Variants in MSRA observed in about 807,000 individuals in gnomAD.
MSRA encodes the protein mitochondrial peptide methionine sulfoxide reductase.
Under a neutral mutation model 31.3 loss-of-function variants are expected in MSRA, and 54 were observed. That is an observed-to-expected ratio of 1.73 (90% confidence interval 1.39 to 2.17). MSRA has a LOEUF of 2.17. Ranked by LOEUF, MSRA falls within the 30% of genes most tolerant of loss-of-function variation. The probability of loss-of-function intolerance (pLI) is 0.00; values close to 1 mark genes in which losing one functional copy is unlikely to be tolerated. For missense variants in MSRA, 507 were observed against 300.9 expected (o/e 1.69, Z -5.07); for synonymous variants, 169 against 116.5 (o/e 1.45, Z -2.90).
intron 4 of MSRA, among the ~76,000 whole-genome samples, chr8:10,304,942 T>C (rs1241751751): frequency 6.6e-6 from 1 of 152,218 alleles, no homozygotes; most frequent in Non-Finnish European, 1.5e-5. Flanking sequence ...CTCTTGCCTG[T>C]GCCAGAATTG....
intron 5 of MSRA, among the ~76,000 whole-genome samples, chr8:10,396,621 A>G (rs1807113230): frequency 6.6e-6 from 1 of 152,232 alleles, no homozygotes; most frequent in African/African-American, 2.4e-5. Context: ...CAGTTTCTCA[A>G]TCAGAACTTT....
intron 1 of MSRA, among the ~76,000 whole-genome samples, chr8:10,165,897 T>G (rs1264939873): frequency 6.6e-6 from 1 of 152,188 alleles, no homozygotes; most frequent in African/African-American, 2.4e-5. Context: ...ATCACCTGTC[T>G]TATACTGAGG....
rs1230630940 is a variant in MSRA at position 10,113,289 on chromosome 8, CTTCTTTTTTTT to C, written c.142+58634_142+58644del. Among the ~76,000 whole-genome samples, 3 of 50,898 alleles carry C rather than the reference CTTCTTTTTTTT, an allele frequency of 5.9e-5. 1 individual carries two copies. The highest frequency in any genetic ancestry group is 9.5e-5 in the Non-Finnish European group (3 of 31,492). The allele number at this position is 50,898 out of a possible 152,430, so 33.4% of individuals were successfully genotyped here. A position where few individuals can be genotyped will look rare whatever the true frequency, so the allele number is the denominator to read the frequency against. On this transcript the variant is annotated intron_variant, in intron 1 of 5. Coordinates refer to ENST00000317173, the MANE Select transcript of MSRA (RefSeq NM_012331.5). Reference sequence around the variant, plus strand: ...AGGCATGGCTTTGGTGAAGACAGGTCTTCTTTTTTTTTTTTTTTTTTTTTTGGAGGTGTGTG... The same window carrying C: ...AGGCATGGCTTTGGTGAAGACAGGTCTTTTTTTTTTTTTTGGAGGTGTGTG...
intron 1 of MSRA, among the ~76,000 whole-genome samples, chr8:10,093,746 C>T (rs1435636808): frequency 5.9e-5 from 9 of 152,290 alleles, no homozygotes; most frequent in Middle Eastern, 3.4e-3. Context: ...GATTTACTGT[C>T]TAGTGTCTTT....
chr8:10,338,140 G>C (rs1056358129), intron 5 of MSRA, among the ~76,000 whole-genome samples: 3 of 152,206 alleles, frequency 2.0e-5, no homozygotes, highest in African/African-American at 7.2e-5. Context: ...ATGCACACTT[G>C]TGTGAAAGAG....
At chr8:10,054,684 C>G (rs775992762) in intron 1 of MSRA, 26 bp downstream of exon 1, 7 of 1,486,274 alleles carry the variant, frequency 4.7e-6, no homozygotes, top group Non-Finnish European at 6.3e-6. Context: ...ACGGAAGGCG[C>G]GGGCGGCGAC....
At chr8:10,347,420 G>A (rs1803850000) in intron 5 of MSRA, among the ~76,000 whole-genome samples, 1 of 152,106 alleles carries the variant, frequency 6.6e-6, no homozygotes. Flanking sequence ...TTCTTGTGAT[G>A]TCCTGATTTG....
chr8:10,274,568 A>G (rs1799219500), intron 3 of MSRA, among the ~76,000 whole-genome samples: 5 of 152,192 alleles, frequency 3.3e-5, no homozygotes, highest in Admixed American at 3.3e-4. Flanking sequence ...GACTTTTCAG[A>G]CATACCTGTG....
intron 5 of MSRA, among the ~76,000 whole-genome samples, chr8:10,329,822 G>A (rs993702339): frequency 4.0e-5 from 6 of 151,808 alleles, no homozygotes; most frequent in African/African-American, 1.5e-4. Flanking sequence ...CTCTCTCGGG[G>A]GTCTTTATCT....
At chr8:10,359,845 G>T (rs1044612728) in intron 5 of MSRA, among the ~76,000 whole-genome samples, 1 of 152,202 alleles carries the variant, frequency 6.6e-6, no homozygotes, top group Admixed American at 6.5e-5. Flanking sequence ...GAGGGAGGAG[G>T]AGTAGGTCAT....
chr8:10,361,091 C>G (rs1362527941), intron 5 of MSRA, among the ~76,000 whole-genome samples: 1 of 152,228 alleles, frequency 6.6e-6, no homozygotes, highest in Non-Finnish European at 1.5e-5. Flanking sequence ...CTCTCAGGCT[C>G]TGCAGCTCCA....
chr8:10,244,071 G>C (rs999191278), intron 2 of MSRA, among the ~76,000 whole-genome samples: 1 of 152,118 alleles, frequency 6.6e-6, no homozygotes, highest in African/African-American at 2.4e-5. Context: ...TTATCTTTCA[G>C]CTCTGTCGTC....
At chr8:10,236,115 G>T (rs558983229) in intron 2 of MSRA, among the ~76,000 whole-genome samples, 1 of 152,240 alleles carries the variant, frequency 6.6e-6, no homozygotes, top group East Asian at 1.9e-4. Flanking sequence ...AGAATGGAAG[G>T]AAACTTTCTC....
intron 5 of MSRA, among the ~76,000 whole-genome samples, chr8:10,417,216 G>T (rs112891913): frequency 2.5e-4 from 38 of 152,226 alleles, no homozygotes; most frequent in Non-Finnish European, 4.4e-4. Flanking sequence ...AGTGAGCTCC[G>T]ATGGGGGCTT....
At chr8:10,069,889 T>C (rs964472195) in intron 1 of MSRA, among the ~76,000 whole-genome samples, 4 of 152,224 alleles carry the variant, frequency 2.6e-5, no homozygotes, top group East Asian at 1.9e-4. Flanking sequence ...AGTTCCATGG[T>C]ATATATGCAC....
At chr8:10,198,878 C>A (rs1230512429) in intron 1 of MSRA, among the ~76,000 whole-genome samples, 1 of 152,156 alleles carries the variant, frequency 6.6e-6, no homozygotes, top group African/African-American at 2.4e-5. Context: ...TGTCAGACTG[C>A]TTTCCAATTA....
intron 1 of MSRA, among the ~76,000 whole-genome samples, chr8:10,106,776 G>C (rs1799909013): frequency 6.6e-6 from 1 of 151,936 alleles, no homozygotes; most frequent in Non-Finnish European, 1.5e-5. Context: ...ATACACCCTT[G>C]GGAATGTGTC....
chr8:10,339,688 C>G (rs1359783505), intron 5 of MSRA, among the ~76,000 whole-genome samples: 5 of 151,946 alleles, frequency 3.3e-5, no homozygotes, highest in Admixed American at 2.0e-4. Context: ...GCTACAGGTG[C>G]CTGCCACCAC....
intron 5 of MSRA, among the ~76,000 whole-genome samples, chr8:10,362,916 C>G (rs558986283): frequency 1.3e-3 from 204 of 152,152 alleles, no homozygotes; most frequent in Non-Finnish European, 2.4e-3. Context: ...CTAATACACT[C>G]AACTGCTTAA....
Sources: allele counts gnomAD v4.1 joint callset (sites outside exome capture counted in the v4.1 genomes callset), GRCh38; gene constraint gnomAD v4.1.1; transcripts MANE v1.5; gene names NCBI Gene and HGNC (gene_info 2026-07-23, HGNC 2026-07-21).